The following TMEM232 variants were observed in gnomAD, a reference collection of about 807,000 sequenced individuals.
TMEM232 encodes the protein transmembrane protein 232.
In TMEM232, 80 loss-of-function variants were observed where a neutral mutation model predicts 78.8. The ratio of observed to expected loss-of-function variants is 1.01; its 90% CI spans 0.85 to 1.22. The LOEUF is 1.22. Among genes scored for constraint, TMEM232 ranks in the 50% most tolerant of loss-of-function variants. The pLI is 0.00. For missense variants in TMEM232, 881 were observed against 742.2 expected, an observed-to-expected ratio of 1.19 and a Z score of -2.17; for synonymous variants, 297 against 254.3, an observed-to-expected ratio of 1.17 and a Z score of -1.60.
intron 12 of TMEM232, among the ~76,000 whole-genome samples, chr5:110,481,124 G>C (rs1297952004): frequency 1.3e-5 from 2 of 151,820 alleles, no homozygotes; most frequent in African/African-American, 2.4e-5. Context: ...TCTTAGACCT[G>C]GTATTTCTAG....
chr5:110,446,636 A>G (rs1759677739), intron 12 of TMEM232, among the ~76,000 whole-genome samples: 2 of 152,136 alleles, frequency 1.3e-5, no homozygotes, highest in Non-Finnish European at 2.9e-5. Flanking sequence ...AGTCTAAACC[A>G]CTAAGAATCC....
At chr5:110,683,089 C>T (rs1015960134) in intron 1 of TMEM232, among the ~76,000 whole-genome samples, 2 of 152,024 alleles carry the variant, frequency 1.3e-5, no homozygotes, top group Admixed American at 1.3e-4. Context: ...ACCTTACTAT[C>T]CAAGTGGAAA....
chr5:110,637,474 T>A (rs1169203245), intron 5 of TMEM232, among the ~76,000 whole-genome samples: 2 of 151,930 alleles, frequency 1.3e-5, no homozygotes, highest in Non-Finnish European at 2.9e-5. Context: ...TGTTCTCTCA[T>A]GCTCGATTTC....
At chr5:110,594,238 C>A (rs530050329) in intron 10 of TMEM232, among the ~76,000 whole-genome samples, 1 of 152,018 alleles carries the variant, frequency 6.6e-6, no homozygotes, top group Admixed American at 6.6e-5. Flanking sequence ...GGAGAAGCCC[C>A]GAGGGACTGT....
intron 12 of TMEM232, among the ~76,000 whole-genome samples, chr5:110,452,551 G>A (rs921112069): frequency 2.0e-5 from 3 of 152,058 alleles, no homozygotes; most frequent in African/African-American, 7.2e-5. Context: ...ATGCAAATTA[G>A]GATTCTCCTG....
intron 5 of TMEM232, among the ~76,000 whole-genome samples, chr5:110,632,894 G>A (rs923511352): frequency 5.3e-5 from 8 of 152,058 alleles, no homozygotes; most frequent in South Asian, 2.1e-4. Context: ...CATCCAGATC[G>A]AGAAGACCCC....
At chr5:110,542,902 T>C (rs112865210) in intron 11 of TMEM232, among the ~76,000 whole-genome samples, 2 of 152,142 alleles carry the variant, frequency 1.3e-5, no homozygotes, top group African/African-American at 4.8e-5. Context: ...TTCATTTACA[T>C]AGGGTGTACA....
At chr5:110,483,119 G>T (rs1207354275) in intron 12 of TMEM232, among the ~76,000 whole-genome samples, 1 of 151,864 alleles carries the variant, frequency 6.6e-6, no homozygotes, top group East Asian at 1.9e-4. Flanking sequence ...TATGTTGTTG[G>T]GCATACAATG....
intron 11 of TMEM232, among the ~76,000 whole-genome samples, chr5:110,534,110 G>T (rs1172779642): frequency 6.6e-6 from 1 of 152,102 alleles, no homozygotes; most frequent in African/African-American, 2.4e-5. Context: ...CTTAGTCTAA[G>T]TAGACACTTT....
At chr5:110,662,551 A>G (rs1789944403) in intron 2 of TMEM232, among the ~76,000 whole-genome samples, 1 of 152,164 alleles carries the variant, frequency 6.6e-6, no homozygotes, top group Non-Finnish European at 1.5e-5. Flanking sequence ...GAGAAAAACA[A>G]GTTTGGAAAA....
chr5:110,448,354 G>A (rs1339298709), intron 12 of TMEM232, among the ~76,000 whole-genome samples: 1 of 152,002 alleles, frequency 6.6e-6, no homozygotes, highest in Non-Finnish European at 1.5e-5. Context: ...AAGAGAATGA[G>A]AATAACAAAG....
intron 8 of TMEM232, among the ~76,000 whole-genome samples, chr5:110,615,237 G>T (rs368912185): frequency 2.0e-5 from 3 of 152,000 alleles, no homozygotes; most frequent in African/African-American, 7.2e-5. Flanking sequence ...ACTTTTAGAA[G>T]GGTCTACAGT....
At chr5:110,641,435 G>A (rs1046649097) in intron 3 of TMEM232, among the ~76,000 whole-genome samples, 5 of 152,066 alleles carry the variant, frequency 3.3e-5, no homozygotes, top group African/African-American at 1.2e-4. Flanking sequence ...GAGATGATCA[G>A]GATTGTTCCA....
intron 11 of TMEM232, among the ~76,000 whole-genome samples, chr5:110,554,996 G>C (rs1283473632): frequency 6.6e-6 from 1 of 151,770 alleles, no homozygotes; most frequent in Non-Finnish European, 1.5e-5. Context: ...ATTTGGGGAA[G>C]GCTTGCATCT....
chr5:110,476,450 G>T (rs1046675746), intron 12 of TMEM232, among the ~76,000 whole-genome samples: 5 of 151,916 alleles, frequency 3.3e-5, no homozygotes, highest in Non-Finnish European at 1.5e-5. Context: ...TGAACTTCCA[G>T]CATCTGGAAC....
intron 12 of TMEM232, among the ~76,000 whole-genome samples, chr5:110,455,803 G>GA (rs1760838379): frequency 6.6e-6 from 1 of 152,034 alleles, no homozygotes. Context: ...TTTCAACATT[G>GA]AAAAAATCAA....
intron 4 of TMEM232, among the ~76,000 whole-genome samples, chr5:110,640,586 C>T (rs1786538493): frequency 6.6e-6 from 1 of 151,790 alleles, no homozygotes; most frequent in South Asian, 2.1e-4. Flanking sequence ...AAGTCTAGTG[C>T]CTATTGTAAC....
chr5:110,555,090 C>T (rs1206768527), intron 11 of TMEM232, among the ~76,000 whole-genome samples: 1 of 151,964 alleles, frequency 6.6e-6, no homozygotes, highest in African/African-American at 2.4e-5. Flanking sequence ...TCTAGTTCCT[C>T]TTGGTGTAAT....
rs958653139 is a variant in TMEM232, at chr5:110,424,674, G to C, written c.1797+149C>G. The C allele has an allele frequency of 3.4e-5, 22 of 648,780 alleles. No individual in the cohort carries two copies. In the South Asian group the frequency reaches 4.2e-4, roughly 12 times the overall value. 40.2% of individuals were successfully genotyped at this position (648,780 alleles called of 1,614,324 possible). ...AAGACACTGGTGTACAGATAACATAGTGAGATATAATTCAGTTTGGCAAAC... is the reference window on the plus strand; with the variant it reads ...AAGACACTGGTGTACAGATAACATACTGAGATATAATTCAGTTTGGCAAAC... On this transcript the variant is annotated intron_variant, in intron 13 of 13. Coordinates refer to ENST00000455884, the MANE Select transcript of TMEM232 (RefSeq NM_001039763.4).
Sources: allele counts gnomAD v4.1 joint callset (sites outside exome capture counted in the v4.1 genomes callset), GRCh38; gene constraint gnomAD v4.1.1; transcripts MANE v1.5; gene names NCBI Gene and HGNC (gene_info 2026-07-23, HGNC 2026-07-21).